The following KCNIP4 variants were observed in gnomAD, a reference collection of about 807,000 sequenced individuals.
The protein encoded by KCNIP4 is potassium voltage-gated channel interacting protein 4.
In KCNIP4, 12 loss-of-function variants were observed where a neutral mutation model predicts 34.0. The observed-to-expected ratio is 0.35, with a 90% confidence interval of 0.23 to 0.57. KCNIP4 has a LOEUF of 0.57. Among genes scored for constraint, KCNIP4 ranks in the 20% least tolerant of loss-of-function variants. The pLI is 0.83. For missense variants in KCNIP4, 238 were observed against 311.7 expected (o/e 0.76, Z 1.78); for synonymous variants, 124 against 102.2 (o/e 1.21, Z -1.29).
At chr4:21,645,800 A>G (rs542919660) in intron 1 of KCNIP4, among the ~76,000 whole-genome samples, 4 of 152,218 alleles carry the variant, frequency 2.6e-5, no homozygotes, top group African/African-American at 9.6e-5. Context: ...TCCTCCTGCC[A>G]TGGGTAGCAA....
At chr4:21,449,166 G>A (rs961425835) in intron 1 of KCNIP4, among the ~76,000 whole-genome samples, 5 of 152,170 alleles carry the variant, frequency 3.3e-5, no homozygotes, top group African/African-American at 1.2e-4. Context: ...GCCACAGAGA[G>A]TTATTCCCAG....
intron 1 of KCNIP4, among the ~76,000 whole-genome samples, chr4:21,427,556 G>A (rs1726041188): frequency 6.6e-6 from 1 of 152,126 alleles, no homozygotes; most frequent in Non-Finnish European, 1.5e-5. Flanking sequence ...AGCAGGCTTG[G>A]TCTTCAGCAG....
intron 1 of KCNIP4, among the ~76,000 whole-genome samples, chr4:21,865,411 G>A (rs1725355025): frequency 6.6e-6 from 1 of 151,644 alleles, no homozygotes; most frequent in Middle Eastern, 3.2e-3. Context: ...TAGGACAAGA[G>A]AGAAAAGGAA....
intron 1 of KCNIP4, among the ~76,000 whole-genome samples, chr4:21,245,915 G>A (rs938884411): frequency 6.6e-6 from 1 of 152,156 alleles, no homozygotes; most frequent in Non-Finnish European, 1.5e-5. Context: ...AGGAAGACAA[G>A]GATAGTCTTT....
At position 21,034,798 on chromosome 4, in the gene KCNIP4, G is replaced by C. The variant is rs566742927; in HGVS notation, c.62-152089C>G. Among the ~76,000 whole-genome samples the C allele has an allele frequency of 1.2e-4, 18 of 152,302 alleles. No individual in the cohort carries two copies. The East Asian group carries it at 3.5e-3, about 29-fold the overall frequency. Reference sequence around the variant, plus strand: ...AAACTCAGCCCGGTAAACACAGCTTGGGGAAATATTTCCTTTTGCTTGAAT... The same window carrying C: ...AAACTCAGCCCGGTAAACACAGCTTCGGGAAATATTTCCTTTTGCTTGAAT... On this transcript the variant is annotated intron_variant, in intron 1 of 8. Transcript: ENST00000382152.
At chr4:20,817,679 T>TC (rs369432206) in intron 3 of KCNIP4, among the ~76,000 whole-genome samples, 78 of 152,114 alleles carry the variant, frequency 5.1e-4, no homozygotes, top group African/African-American at 1.6e-3. Context: ...GAGGATCTTT[T>TC]TTTTTTTTCT....
At chr4:21,158,875 T>C (rs897978211) in intron 1 of KCNIP4, among the ~76,000 whole-genome samples, 3 of 152,134 alleles carry the variant, frequency 2.0e-5, no homozygotes, top group African/African-American at 7.2e-5. Context: ...TAAATTCCAA[T>C]GAAATCTACA....
intron 1 of KCNIP4, among the ~76,000 whole-genome samples, chr4:21,420,671 C>A (rs1168930542): frequency 6.6e-6 from 1 of 152,172 alleles, no homozygotes; most frequent in Non-Finnish European, 1.5e-5. Context: ...AATTTTAAGA[C>A]CTTACCTTCT....
At chr4:21,702,610 T>A (rs1712947316) in intron 1 of KCNIP4, among the ~76,000 whole-genome samples, 1 of 152,116 alleles carries the variant, frequency 6.6e-6, no homozygotes, top group Non-Finnish European at 1.5e-5. Context: ...TTACAATTTA[T>A]AAAATTTTCC....
intron 1 of KCNIP4, among the ~76,000 whole-genome samples, chr4:21,468,677 T>A (rs1385986529): frequency 6.6e-6 from 1 of 152,200 alleles, no homozygotes; most frequent in Non-Finnish European, 1.5e-5. Flanking sequence ...TCTCTCATTG[T>A]CACTATTAAT....
intron 1 of KCNIP4, among the ~76,000 whole-genome samples, chr4:21,111,314 T>C (rs1273196137): frequency 6.6e-6 from 1 of 152,078 alleles, no homozygotes; most frequent in East Asian, 1.9e-4. Context: ...AAGCAGAAAA[T>C]ATTATCAGGG....
At chr4:21,642,411 A>G (rs1280358229) in intron 1 of KCNIP4, among the ~76,000 whole-genome samples, 4 of 152,158 alleles carry the variant, frequency 2.6e-5, no homozygotes, top group African/African-American at 9.6e-5. Context: ...ACTCGGTTAC[A>G]GTGTCAGCTA....
At chr4:21,353,577 G>A (rs898098366) in intron 1 of KCNIP4, among the ~76,000 whole-genome samples, 1 of 152,148 alleles carries the variant, frequency 6.6e-6, no homozygotes, top group African/African-American at 2.4e-5. Context: ...ATGAAATAAA[G>A]CAAGAAGACA....
intron 1 of KCNIP4, among the ~76,000 whole-genome samples, chr4:21,140,799 G>A (rs1751892560): frequency 1.3e-5 from 2 of 152,076 alleles, no homozygotes; most frequent in African/African-American, 4.8e-5. Context: ...CAGGTTGGTT[G>A]CCAAGGTTGG....
chr4:21,369,124 C>A (rs1413343325), intron 1 of KCNIP4, among the ~76,000 whole-genome samples: 1 of 146,968 alleles, frequency 6.8e-6, no homozygotes, highest in Non-Finnish European at 1.5e-5. Context: ...TTAAGGTAAC[C>A]TGATTGAGTC....
At chr4:20,862,760 C>A (rs562724547) in intron 2 of KCNIP4, among the ~76,000 whole-genome samples, 2 of 152,234 alleles carry the variant, frequency 1.3e-5, no homozygotes, top group South Asian at 4.1e-4. Context: ...AAACATGGTA[C>A]ATATACACCA....
chr4:21,658,127 C>T (rs753646473), intron 1 of KCNIP4, among the ~76,000 whole-genome samples: 9 of 152,090 alleles, frequency 5.9e-5, no homozygotes, highest in Admixed American at 2.0e-4. Flanking sequence ...CGTGAGCCAC[C>T]GCTCCCAGCC....
intron 1 of KCNIP4, among the ~76,000 whole-genome samples, chr4:21,385,522 T>A (rs557658379): frequency 6.6e-6 from 1 of 152,204 alleles, no homozygotes; most frequent in Non-Finnish European, 1.5e-5. Context: ...GCAATTGACT[T>A]TTCTTCTTTA....
intron 4 of KCNIP4, among the ~76,000 whole-genome samples, chr4:20,755,254 A>G (rs1420218216): frequency 1.3e-5 from 2 of 152,180 alleles, no homozygotes; most frequent in African/African-American, 4.8e-5. Flanking sequence ...CGAAAACAAA[A>G]ATTTGTTTTG....
Sources: gnomAD v4.1 joint callset for allele counts (sites outside exome capture counted in the v4.1 genomes callset) on GRCh38, gnomAD v4.1.1 for gene constraint, MANE v1.5 for transcripts, NCBI Gene and HGNC (gene_info 2026-07-23, HGNC 2026-07-21) for gene names.